ANKMY1: variants seen among roughly 807,000 people sequenced by gnomAD.
ANKMY1 encodes the protein ankyrin repeat and MYND domain-containing protein 1.
ANKMY1 carries 98 observed loss-of-function variants against 102.0 expected under a neutral mutation model. The ratio of observed to expected loss-of-function variants is 0.96; its 90% confidence interval spans 0.82 to 1.14. ANKMY1 has a LOEUF of 1.14. ANKMY1 is among the 50% of genes most tolerant of loss of function. ANKMY1 has a pLI of 0.00. For synonymous variants in ANKMY1, 582 were observed against 559.9 expected (o/e 1.04, Z -0.56); for missense variants, 1,330 against 1,347.6 (o/e 0.99, Z 0.20).
chr2:240,518,378 T>C (rs2081555559), intron 9 of ANKMY1, among the ~76,000 whole-genome samples: 1 of 152,112 alleles, frequency 6.6e-6, no homozygotes, highest in Non-Finnish European at 1.5e-5. Context: ...AACTCTTTTT[T>C]CTTAGCCCTC....
intron 4 of ANKMY1, among the ~76,000 whole-genome samples, chr2:240,540,569 G>A (rs1335555420): frequency 1.3e-5 from 2 of 152,130 alleles, no homozygotes; most frequent in African/African-American, 2.4e-5. Context: ...CCCCTCCTGA[G>A]TTCCTGTTTT....
At chr2:240,560,592 C>T (rs866548957), upstream of ANKMY1, 2 of 1,319,978 alleles carry the variant, frequency 1.5e-6, no homozygotes, top group South Asian at 3.9e-5. Context: ...CGCCCGGCGG[C>T]CCGCCCGGCT....
intron 4 of ANKMY1, among the ~76,000 whole-genome samples, chr2:240,530,735 A>G (rs1035680082): frequency 2.6e-5 from 4 of 152,176 alleles, no homozygotes; most frequent in South Asian, 4.1e-4. Context: ...GGGTGTCAGG[A>G]GACCCAATCT....
At chr2:240,507,847 G>T (rs2079372288) in intron 12 of ANKMY1, 156 bp from the exon 13 acceptor site, 4 of 862,272 alleles carry the variant, frequency 4.6e-6, no homozygotes, top group South Asian at 5.1e-5. Context: ...ACCCACAGTG[G>T]GTCCCGCTGC....
At chr2:240,469,605 G>A in the ANKMY1 span, among the ~76,000 whole-genome samples, 1 of 152,154 alleles carries the variant, frequency 6.6e-6, no homozygotes, top group Non-Finnish European at 1.5e-5. Flanking sequence ...GGCCAGCATG[G>A]GTGTCTGCTC....
At chr2:240,478,828 C>T (rs1373209000), downstream of ANKMY1, among the ~76,000 whole-genome samples, 2 of 152,240 alleles carry the variant, frequency 1.3e-5, no homozygotes, top group Admixed American at 6.5e-5. Flanking sequence ...ACACAGGCTC[C>T]CACCCCCCAC....
chr2:240,557,149 C>A (rs116475941), intron 2 of ANKMY1, 41 bp downstream of exon 2: 1 of 1,406,882 alleles, frequency 7.1e-7, no homozygotes, highest in South Asian at 1.6e-5. Context: ...CCCTGGGCCC[C>A]AGGTCAGGGT....
chr2:240,557,365 T>G lies in ANKMY1; in HGVS notation c.-17-13A>C. On this transcript the variant is annotated splice_polypyrimidine_tract_variant and intron_variant, in intron 1 of 17. Transcript: ENST00000401804. Reference sequence around the variant, plus strand: ...GTGGTCTTCCAACCTGCAAGCGACGTCAGGACCGCACATGTGCCCCCAGGG... The same window carrying G: ...GTGGTCTTCCAACCTGCAAGCGACGGCAGGACCGCACATGTGCCCCCAGGG... 1 of 1,474,838 alleles carries G rather than the reference T, an allele frequency of 6.8e-7. No homozygotes were observed. The highest frequency in any genetic ancestry group is 1.3e-5 in the South Asian group (1 of 75,016). 91.4% of individuals were successfully genotyped at this position (1,474,838 alleles called of 1,614,324 possible).
rs2152106584 is a variant in ANKMY1 at position 240,506,023 on chromosome 2, C to T, written c.2526+1537G>A. ...GCAGCACTACCAGGTTCCCTAACCC[C>T]GGATGAGGCACCGGGGAGCCTCCTA... On this transcript the variant is annotated intron_variant, in intron 13 of 17. Transcript: ENST00000401804. The surrounding 1 kb of genome is among the most constrained non-coding windows in gnomAD (Gnocchi z 4.9). 6.6e-6 allele frequency among the ~76,000 whole-genome samples: 1 copy of T among 152,288 alleles called. No individual in the cohort carries two copies. The highest frequency in any genetic ancestry group is 1.9e-4 in the East Asian group (1 of 5,170).
downstream of ANKMY1, among the ~76,000 whole-genome samples, chr2:240,478,460 C>A (rs1218289825): frequency 6.6e-6 from 1 of 152,144 alleles, no homozygotes; most frequent in Non-Finnish European, 1.5e-5. Flanking sequence ...GCATCCCAGA[C>A]CCCCCTGAGC....
chr2:240,559,539 A>T (rs752889858), upstream of ANKMY1, among the ~76,000 whole-genome samples: 8 of 152,202 alleles, frequency 5.3e-5, no homozygotes, highest in Non-Finnish European at 7.4e-5. Flanking sequence ...GCCAACTCCT[A>T]GAAAGCGGAG....
rs555867124 is a variant in ANKMY1 at position 240,520,331 on chromosome 2, C to G, written c.2004+31G>C. ...CCAGTGCCCGGGAGTCTGCTGCGCT[C>G]GTCCCGGCGCCCGCCCGCCGCGGCT... On this transcript the variant is annotated intron_variant, in intron 9 of 17. Transcript: ENST00000401804. The surrounding 1 kb of genome is among the most constrained non-coding windows in gnomAD (Gnocchi z 4.8). 1.3e-6 allele frequency: 2 copies of G among 1,510,600 alleles called. No homozygotes were observed. Among genetic ancestry groups the G allele is most frequent in the South Asian group, 1.3e-5 (1 of 79,368 alleles). 93.6% of individuals were successfully genotyped at this position (1,510,600 alleles called of 1,614,324 possible).
downstream of ANKMY1, among the ~76,000 whole-genome samples, chr2:240,478,498 A>T (rs1319813073): frequency 2.0e-5 from 3 of 152,076 alleles, no homozygotes; most frequent in East Asian, 5.8e-4. Context: ...GCAGGGAGCC[A>T]GCTCACACAG....
At chr2:240,535,434 T>C (rs2086489351) in intron 4 of ANKMY1, among the ~76,000 whole-genome samples, 1 of 152,192 alleles carries the variant, frequency 6.6e-6, no homozygotes, top group Non-Finnish European at 1.5e-5. Context: ...GTAAAATGTT[T>C]CTTACGGGAC....
rs183463960 is a variant in ANKMY1 at position 240,541,820 on chromosome 2, A to G, written c.480+11094T>C. 2.6e-3 allele frequency among the ~76,000 whole-genome samples: 403 copies of G among 152,222 alleles called. 2 individuals carry two copies. The highest frequency in any genetic ancestry group is 9.3e-3 in the African/African-American group (385 of 41,550). On this transcript the variant is annotated intron_variant, in intron 4 of 17. Transcript: ENST00000401804. Reference sequence around the variant, plus strand: ...CTGGGCGTATGTTGCTGTTTTAAGCAGGGTTGGGCCAGATTAGTCTGTTTC... The same window carrying G: ...CTGGGCGTATGTTGCTGTTTTAAGCGGGGTTGGGCCAGATTAGTCTGTTTC...
upstream of ANKMY1, chr2:240,560,727 G>T (rs867117032): frequency 3.3e-5 from 50 of 1,522,438 alleles, no homozygotes; most frequent in Non-Finnish European, 4.3e-5. Flanking sequence ...CGCCTCGCCC[G>T]TACCTCCACC....
At position 240,479,436 on chromosome 2, in the gene ANKMY1, C is replaced by T; in HGVS notation, c.*173G>A. The T allele has an allele frequency of 1.3e-6, 1 of 781,760 alleles. No individual in the cohort carries two copies. The highest frequency in any genetic ancestry group is 2.1e-6 in the Non-Finnish European group (1 of 470,586). The allele number at this position is 781,760 out of a possible 1,614,324, so 48.4% of individuals were successfully genotyped here. A position where few individuals can be genotyped will look rare whatever the true frequency, so the allele number is the denominator to read the frequency against. ...AGCACAGCACAGACTGTCAAAATCA[C>T]CCCGTGGGGCCAATTTATTGCGAGG... On this transcript the variant is annotated 3_prime_UTR_variant, in exon 18 of 18. Coordinates refer to ENST00000401804, the MANE Select transcript of ANKMY1 (RefSeq NM_001282771.3).
rs1157925253 is a variant in ANKMY1, at chr2:240,509,443, T to G, written c.2299A>C (p.Ile767Leu). 1 of 1,612,724 alleles carries G rather than the reference T, an allele frequency of 6.2e-7. No individual in the cohort carries two copies. The highest frequency in any genetic ancestry group is 1.1e-5 in the South Asian group (1 of 90,804). The change falls in exon 12 of 18, where the codon ATA becomes CTA. Residue 767 changes from isoleucine to leucine, a missense_variant. Physicochemically the swap from Ile to Leu is conservative, Grantham distance 5. Transcript: ENST00000401804. ...REDDNKCARDIVRLLLSHGAN... is the reference protein window; with the variant it reads ...REDDNKCARDLVRLLLSHGAN... ...CCGTGGGATAGAAGGAGCCGGACTA[T>G]GTCCCTGGCACACTGGGTGGGGAGA... is the stretch of plus-strand genomic sequence containing the variant.
chr2:240,520,173 C>A lies in ANKMY1; in HGVS notation c.2004+189G>T, dbSNP rs1464551711. The stretch of plus-strand genomic sequence containing the variant: ...AACTAGCTCGGTGTCCAAATCCTGT[C>A]TGGGGACATGGGTGAAAGAGCGGGC... On this transcript the variant is annotated intron_variant, in intron 9 of 17. Coordinates refer to ENST00000401804, the MANE Select transcript of ANKMY1 (RefSeq NM_001282771.3). This position sits in a 1 kb window ranked among gnomAD's most constrained non-coding sequence, Gnocchi z 4.8. The A allele has an allele frequency of 1.2e-5, 11 of 890,324 alleles. No individual in the cohort carries two copies. Among genetic ancestry groups the A allele is most frequent in the Non-Finnish European group, 2.0e-5 (11 of 544,566 alleles). The allele number at this position is 890,324 out of a possible 1,614,324, so 55.2% of individuals were successfully genotyped here. A position where few individuals can be genotyped will look rare whatever the true frequency, so the allele number is the denominator to read the frequency against.
Sources: allele counts gnomAD v4.1 joint callset (sites outside exome capture counted in the v4.1 genomes callset), GRCh38; gene constraint gnomAD v4.1.1; non-coding constraint Gnocchi (gnomAD v3.1); transcripts MANE v1.5; gene names NCBI Gene and HGNC (gene_info 2026-07-23, HGNC 2026-07-21).